The following FSHR variants were observed in gnomAD, a reference collection of about 807,000 sequenced individuals.
The protein encoded by FSHR is follicle stimulating hormone receptor.
Under a neutral mutation model 52.1 loss-of-function variants are expected in FSHR, and 46 were observed. The observed-to-expected ratio is 0.88, with a 90% confidence interval of 0.70 to 1.13. The LOEUF (loss-of-function observed/expected upper bound fraction) is 1.13, where lower values mean the gene tolerates loss of function less well. Ranked by LOEUF, FSHR falls within the 50% of genes most tolerant of loss-of-function variation. FSHR has a pLI of 0.00. For synonymous variants in FSHR, 399 were observed against 309.6 expected (o/e 1.29, Z -3.03); for missense variants, 964 against 834.6 (o/e 1.16, Z -1.91).
At chr2:49,046,805 T>C (rs1195717945) in intron 2 of FSHR, among the ~76,000 whole-genome samples, 1 of 152,144 alleles carries the variant, frequency 6.6e-6, no homozygotes, top group Non-Finnish European at 1.5e-5. Flanking sequence ...TGGTCTCTCT[T>C]ATAGTTGCTC....
At chr2:49,067,736 C>T (rs1454561037) in intron 2 of FSHR, among the ~76,000 whole-genome samples, 4 of 152,072 alleles carry the variant, frequency 2.6e-5, no homozygotes, top group Admixed American at 2.0e-4. Flanking sequence ...AAATCTTAAT[C>T]AGTGCTGTAA....
chr2:48,999,521 G>A (rs951139468), intron 4 of FSHR, among the ~76,000 whole-genome samples: 3 of 152,008 alleles, frequency 2.0e-5, no homozygotes, highest in African/African-American at 7.2e-5. Context: ...CCTTATCTCT[G>A]CAACCATAGA....
rs568598603 is a variant in FSHR at position 48,963,947 on chromosome 2, A to C, written c.874T>G (p.Cys292Gly). The C allele has an allele frequency of 6.2e-7, 1 of 1,613,490 alleles. No homozygotes were observed. The highest frequency in any genetic ancestry group is 1.3e-5 in the African/African-American group (1 of 75,018). ...RRQISELHPI[C>G]NKSILRQEVD... ...TCTTGCCTTAAAATAGATTTGTTGC[A>C]AATTGGATGAAGCTCAGAGCTAGAA... The change falls in exon 10 of 10, where the codon TGC becomes GGC. Residue 292 changes from cysteine (C) to glycine (G), a missense_variant. By Grantham distance (159) the Cys-to-Gly change is radical. Coordinates refer to ENST00000406846, the MANE Select transcript of FSHR (RefSeq NM_000145.4).
chr2:49,031,393 A>G (rs1364338546), intron 2 of FSHR, among the ~76,000 whole-genome samples: 1 of 152,248 alleles, frequency 6.6e-6, no homozygotes, highest in African/African-American at 2.4e-5. Flanking sequence ...CCCTGAAATT[A>G]GAATTTCAGA....
chr2:49,042,247 G>A (rs551522313), intron 2 of FSHR, among the ~76,000 whole-genome samples: 2 of 152,152 alleles, frequency 1.3e-5, no homozygotes, highest in South Asian at 4.2e-4. Context: ...TTTTTCCCCC[G>A]AGTGACTTAG....
At position 48,962,490 on chromosome 2, in the gene FSHR, A is replaced by G. The variant is rs1674267040; in HGVS notation, c.*243T>C. The G allele has an allele frequency of 2.0e-6, 1 of 501,850 alleles. No homozygotes were observed. The highest frequency in any genetic ancestry group is 3.3e-5 in the Admixed American group (1 of 29,912). The allele number at this position is 501,850 out of a possible 1,614,324, so 31.1% of individuals were successfully genotyped here. ...TTTGAACATAACGTGCAAAAATAACATATATAAGGATAAAATATGTAATAC... is the reference window on the plus strand; with the variant it reads ...TTTGAACATAACGTGCAAAAATAACGTATATAAGGATAAAATATGTAATAC... On this transcript the variant is annotated 3_prime_UTR_variant, in exon 10 of 10. Coordinates refer to ENST00000406846, the MANE Select transcript of FSHR (RefSeq NM_000145.4).
chr2:49,036,946 C>T (rs1668291926), intron 2 of FSHR, among the ~76,000 whole-genome samples: 1 of 152,186 alleles, frequency 6.6e-6, no homozygotes, highest in South Asian at 2.1e-4. Flanking sequence ...GATCAGAACG[C>T]TGAGCATGCA....
intron 1 of FSHR, among the ~76,000 whole-genome samples, chr2:49,131,649 C>T (rs1672283420): frequency 1.3e-5 from 2 of 152,114 alleles, no homozygotes; most frequent in South Asian, 4.1e-4. Context: ...ATGTAAAGAT[C>T]TGACATGGAA....
At chr2:49,118,927 G>C (rs1671701345) in intron 1 of FSHR, among the ~76,000 whole-genome samples, 1 of 152,140 alleles carries the variant, frequency 6.6e-6, no homozygotes, top group African/African-American at 2.4e-5. Context: ...CCCCTTTCTT[G>C]ACTATGTACT....
chr2:49,135,307 TA>T (rs1166495630), intron 1 of FSHR, among the ~76,000 whole-genome samples: 1 of 151,866 alleles, frequency 6.6e-6, no homozygotes, highest in Non-Finnish European at 1.5e-5. Context: ...AAATAAATAT[TA>T]GGAAAAAATT....
At chr2:49,068,407 G>A (rs903029024) in intron 1 of FSHR, 117 bp from the exon 2 acceptor site, 2 of 839,746 alleles carry the variant, frequency 2.4e-6, no homozygotes, top group African/African-American at 3.3e-5. Context: ...ATAAAGTAAT[G>A]TTGAAATTGC....
intron 6 of FSHR, among the ~76,000 whole-genome samples, chr2:48,983,586 C>T (rs1462208872): frequency 6.6e-6 from 1 of 152,178 alleles, no homozygotes; most frequent in South Asian, 2.1e-4. Flanking sequence ...CATTTTGTGT[C>T]ACCTTTCTCT....
chr2:49,126,465 G>T (rs1199940392), intron 1 of FSHR, among the ~76,000 whole-genome samples: 1 of 152,086 alleles, frequency 6.6e-6, no homozygotes, highest in Non-Finnish European at 1.5e-5. Flanking sequence ...TTCCCATTAG[G>T]CCCCACTTTA....
chr2:49,087,526 T>G (rs1398688613), intron 1 of FSHR, among the ~76,000 whole-genome samples: 1 of 152,184 alleles, frequency 6.6e-6, no homozygotes, highest in Non-Finnish European at 1.5e-5. Flanking sequence ...CCTAATTAGC[T>G]TATGTTCTAG....
At chr2:49,035,675 A>G (rs1668247651) in intron 2 of FSHR, among the ~76,000 whole-genome samples, 1 of 152,206 alleles carries the variant, frequency 6.6e-6, no homozygotes, top group Non-Finnish European at 1.5e-5. Flanking sequence ...GACCTAAGAG[A>G]TTATTTATTT....
intron 1 of FSHR, among the ~76,000 whole-genome samples, chr2:49,129,552 T>G (rs1672187453): frequency 6.6e-6 from 1 of 152,174 alleles, no homozygotes; most frequent in African/African-American, 2.4e-5. Flanking sequence ...CAGATGGGCC[T>G]TTTTGTGTAC....
At chr2:49,001,193 G>C (rs958782215) in intron 4 of FSHR, among the ~76,000 whole-genome samples, 2 of 152,116 alleles carry the variant, frequency 1.3e-5, no homozygotes, top group Non-Finnish European at 2.9e-5. Flanking sequence ...AGACACCATT[G>C]TAAATGCCTT....
At chr2:49,086,117 A>G (rs1670382270) in intron 1 of FSHR, among the ~76,000 whole-genome samples, 1 of 152,180 alleles carries the variant, frequency 6.6e-6, no homozygotes, top group African/African-American at 2.4e-5. Flanking sequence ...GTATAATAAT[A>G]AAAATATAGA....
chr2:49,151,164 A>G (rs1385615300), intron 1 of FSHR, among the ~76,000 whole-genome samples: 2 of 144,520 alleles, frequency 1.4e-5, no homozygotes, highest in Non-Finnish European at 3.0e-5. Context: ...TTTTTTCAGA[A>G]TAAGAAAGGT....
Sources: gnomAD v4.1 joint callset for allele counts (sites outside exome capture counted in the v4.1 genomes callset) on GRCh38, gnomAD v4.1.1 for gene constraint, MANE v1.5 for transcripts, NCBI Gene and HGNC (gene_info 2026-07-23, HGNC 2026-07-21) for gene names.